The following MEF2A variants were observed in gnomAD, a reference collection of about 807,000 sequenced individuals.
MEF2A encodes myocyte enhancer factor 2A.
A neutral mutation model predicts 55.8 loss-of-function variants in MEF2A; 28 were observed. The observed-to-expected ratio is 0.50, with a 90% CI of 0.37 to 0.69. The LOEUF (loss-of-function observed/expected upper bound fraction) is 0.69, where lower values mean the gene tolerates loss of function less well. Among genes scored for constraint, MEF2A ranks in the 30% least tolerant of loss-of-function variants. MEF2A has a pLI of 0.00. For missense variants in MEF2A, 528 were observed against 626.2 expected (o/e 0.84, Z 1.67); for synonymous variants, 239 against 227.1 (o/e 1.05, Z -0.47).
At chr15:99,654,900 A>G (rs1233577436) in intron 4 of MEF2A, among the ~76,000 whole-genome samples, 3 of 152,208 alleles carry the variant, frequency 2.0e-5, no homozygotes, top group Non-Finnish European at 2.9e-5. Flanking sequence ...TAATTTAACC[A>G]CATGTGGCGA....
chr15:99,653,108 G>A (rs1228323196), intron 4 of MEF2A, among the ~76,000 whole-genome samples: 2 of 152,166 alleles, frequency 1.3e-5, no homozygotes, highest in African/African-American at 4.8e-5. Context: ...TGCTATTCAA[G>A]CCAGAAGTTC....
At chr15:99,665,177 A>G (rs1056550650) in intron 4 of MEF2A, among the ~76,000 whole-genome samples, 1 of 152,184 alleles carries the variant, frequency 6.6e-6, no homozygotes. Flanking sequence ...ACGGAAGTGG[A>G]TGTAACTAAC....
intron 2 of MEF2A, among the ~76,000 whole-genome samples, chr15:99,612,564 C>T (rs2153214315): frequency 6.6e-6 from 1 of 152,214 alleles, no homozygotes; most frequent in East Asian, 1.9e-4. Flanking sequence ...GACCCCATTT[C>T]TTCAAAAAAC....
intron 1 of MEF2A, among the ~76,000 whole-genome samples, chr15:99,578,349 C>T (rs1037720642): frequency 1.3e-5 from 2 of 152,170 alleles, no homozygotes; most frequent in Admixed American, 6.5e-5. Context: ...CTGCTCAGAT[C>T]GTTCTGCTTT....
rs562584289 is a variant in MEF2A, at chr15:99,610,163, A to G, written c.-143+11652A>G. On this transcript the variant is annotated intron_variant, in intron 2 of 11. Coordinates refer to ENST00000557942, the MANE Select transcript of MEF2A (RefSeq NM_001319206.4). The stretch of plus-strand genomic sequence containing the variant: ...CAGTGAACAATCCAAAAATGAAATT[A>G]TGAAAATTATATTTATAGTATTATC... Among the ~76,000 whole-genome samples the G allele has an allele frequency of 2.6e-4, 39 of 152,266 alleles. 2 individuals carry two copies. Among genetic ancestry groups the G allele is most frequent in the Admixed American group, 2.0e-3 (30 of 15,302 alleles).
intron 1 of MEF2A, among the ~76,000 whole-genome samples, chr15:99,595,290 GTTA>G (rs1430348367): frequency 6.6e-6 from 1 of 152,094 alleles, no homozygotes; most frequent in African/African-American, 2.4e-5. Flanking sequence ...TGTAGTTGTT[GTTA>G]TTATGTTAGG....
chr15:99,683,711 T>TAA (rs11299840), intron 7 of MEF2A, among the ~76,000 whole-genome samples: 221 of 139,446 alleles, frequency 1.6e-3, no homozygotes, highest in East Asian at 0.01. Context: ...GGCCTTTTAT[T>TAA]AAAAAAAAAA....
At chr15:99,651,656 C>T (rs2046865826) in intron 4 of MEF2A, among the ~76,000 whole-genome samples, 1 of 152,168 alleles carries the variant, frequency 6.6e-6, no homozygotes, top group Non-Finnish European at 1.5e-5. Context: ...TGTCACTGCA[C>T]CATCGCCTCA....
intron 5 of MEF2A, among the ~76,000 whole-genome samples, chr15:99,672,691 A>AT (rs981073994): frequency 6.6e-6 from 1 of 152,034 alleles, no homozygotes. Flanking sequence ...CAGATTTGGG[A>AT]TTTTTTTCAA....
At chr15:99,585,380 T>G (rs999298314) in intron 1 of MEF2A, among the ~76,000 whole-genome samples, 1 of 152,216 alleles carries the variant, frequency 6.6e-6, no homozygotes, top group Non-Finnish European at 1.5e-5. Flanking sequence ...AATGCTTGCT[T>G]GTGTGAAATT....
At chr15:99,660,369 C>T (rs1425014526) in intron 4 of MEF2A, among the ~76,000 whole-genome samples, 1 of 152,130 alleles carries the variant, frequency 6.6e-6, no homozygotes, top group Non-Finnish European at 1.5e-5. Context: ...TTAGCCTCCC[C>T]TGTGGTTAGG....
intron 11 of MEF2A, among the ~76,000 whole-genome samples, chr15:99,711,176 CT>C (rs1211497543): frequency 6.6e-6 from 1 of 152,198 alleles, no homozygotes; most frequent in Non-Finnish European, 1.5e-5. Flanking sequence ...GCATTCAGGC[CT>C]CCCTGCCACC....
intron 8 of MEF2A, among the ~76,000 whole-genome samples, chr15:99,702,235 C>T (rs746744886): frequency 6.6e-6 from 1 of 152,174 alleles, no homozygotes; most frequent in African/African-American, 2.4e-5. Flanking sequence ...GTCCCACCTA[C>T]TTTACACACA....
intron 8 of MEF2A, among the ~76,000 whole-genome samples, chr15:99,697,952 G>A (rs948466080): frequency 6.6e-6 from 1 of 152,182 alleles, no homozygotes; most frequent in Admixed American, 6.5e-5. Context: ...TTTTGGCAGA[G>A]GTAGTAAGGC....
At chr15:99,612,890 C>A (rs1486892669) in intron 2 of MEF2A, among the ~76,000 whole-genome samples, 1 of 149,946 alleles carries the variant, frequency 6.7e-6, no homozygotes, top group Non-Finnish European at 1.5e-5. Context: ...ATATAAAATT[C>A]TTCTCATATT....
chr15:99,566,172 T>C (rs1413211917), intron 1 of MEF2A, 68 bp downstream of exon 1: 4 of 147,586 alleles, frequency 2.7e-5, no homozygotes, highest in African/African-American at 1.0e-4. Flanking sequence ...GGCGTCTCGC[T>C]TAGGGGACCG....
intron 4 of MEF2A, 114 bp downstream of exon 4, chr15:99,645,878 T>A: frequency 1.4e-6 from 1 of 712,634 alleles, no homozygotes; most frequent in Non-Finnish European, 2.2e-6. Context: ...TGTATATGTA[T>A]CTTTTCTCTA....
At chr15:99,643,719 G>C (rs2153470306) in intron 3 of MEF2A, among the ~76,000 whole-genome samples, 1 of 151,846 alleles carries the variant, frequency 6.6e-6, no homozygotes, top group South Asian at 2.1e-4. Context: ...AGCCTGCCGA[G>C]TAGGTGGGAC....
chr15:99,659,534 T>C (rs768957782), intron 4 of MEF2A, among the ~76,000 whole-genome samples: 26 of 152,198 alleles, frequency 1.7e-4, no homozygotes, highest in African/African-American at 6.0e-4. Context: ...AGCTCTCTTA[T>C]CTGTTCTCCC....
Sources: gnomAD v4.1 joint callset for allele counts (sites outside exome capture counted in the v4.1 genomes callset) on GRCh38, gnomAD v4.1.1 for gene constraint, MANE v1.5 for transcripts, NCBI Gene and HGNC (gene_info 2026-07-23, HGNC 2026-07-21) for gene names.